The following ATP2B1 variants were observed in gnomAD, a reference collection of about 807,000 sequenced individuals.
ATP2B1 encodes the protein plasma membrane calcium-transporting ATPase 1.
ATP2B1 carries 14 observed loss-of-function variants against 124.2 expected under a neutral mutation model. The ratio of observed to expected loss-of-function variants is 0.11; its 90% CI spans 0.07 to 0.18. The LOEUF is 0.18. Among genes scored for constraint, ATP2B1 ranks in the 10% least tolerant of loss-of-function variants. The pLI is 1.00. For synonymous variants in ATP2B1, 449 were observed against 492.4 expected, an observed-to-expected ratio of 0.91 and a Z score of 1.17; for missense variants, 763 against 1,466.1, an observed-to-expected ratio of 0.52 and a Z score of 7.83.
intron 1 of ATP2B1, among the ~76,000 whole-genome samples, chr12:89,679,393 T>TA (rs1889067289): frequency 6.6e-6 from 1 of 152,168 alleles, no homozygotes; most frequent in African/African-American, 2.4e-5. Flanking sequence ...ACTAGTCTTT[T>TA]AAAAAATTCA....
At chr12:89,689,812 T>C (rs1192025419) in intron 1 of ATP2B1, among the ~76,000 whole-genome samples, 1 of 152,146 alleles carries the variant, frequency 6.6e-6, no homozygotes, top group Non-Finnish European at 1.5e-5. Context: ...AAGTCATGTA[T>C]ACAGAAGTTT....
At chr12:89,593,931 C>T (rs1204735239) in intron 20 of ATP2B1, 2 of 151,940 alleles carry the variant, frequency 1.3e-5, no homozygotes. Flanking sequence ...CTCCCAATTC[C>T]AGGTTCCTTG....
At chr12:89,643,103 C>T (rs956897741) in intron 2 of ATP2B1, among the ~76,000 whole-genome samples, 26 of 143,956 alleles carry the variant, frequency 1.8e-4, no homozygotes, top group African/African-American at 5.5e-4. Flanking sequence ...TATATACATA[C>T]GTATATATAT....
At chr12:89,664,280 C>T (rs561442026) in intron 1 of ATP2B1, among the ~76,000 whole-genome samples, 2 of 152,290 alleles carry the variant, frequency 1.3e-5, no homozygotes, top group South Asian at 4.1e-4. Flanking sequence ...ACTATTTTGG[C>T]TTTTGATAGC....
At chr12:89,623,732 G>A (rs1880375756) in intron 9 of ATP2B1, among the ~76,000 whole-genome samples, 2 of 152,238 alleles carry the variant, frequency 1.3e-5, no homozygotes, top group African/African-American at 4.8e-5. Flanking sequence ...GGGCCCTGCA[G>A]GCCATGGTAA....
At chr12:89,704,522 A>C (rs1892220967) in intron 1 of ATP2B1, among the ~76,000 whole-genome samples, 1 of 152,180 alleles carries the variant, frequency 6.6e-6, no homozygotes, top group Admixed American at 6.5e-5. Flanking sequence ...CAATGAGCAA[A>C]ATCTAGAAGC....
At chr12:89,674,932 C>T (rs920285190) in intron 1 of ATP2B1, among the ~76,000 whole-genome samples, 1 of 152,208 alleles carries the variant, frequency 6.6e-6, no homozygotes, top group African/African-American at 2.4e-5. Context: ...ACTGAAAACA[C>T]TAGCCGTTAC....
rs976256598 is a variant in ATP2B1 at position 89,605,018 on chromosome 12, A to G, written c.2443-672T>C. Among the ~76,000 whole-genome samples the G allele has an allele frequency of 5.3e-5, 8 of 152,196 alleles. 1 individual carries two copies. The highest frequency in any genetic ancestry group is 3.3e-4 in the Admixed American group (5 of 15,272). ...AACAGGAGAATGGGGTAATTAATAA[A>G]TTGTGGATTAATAAAATGAGTGAAC... On this transcript the variant is annotated intron_variant, in intron 15 of 20. Transcript: ENST00000428670.
At chr12:89,654,766 GAA>G (rs994872710) in intron 2 of ATP2B1, among the ~76,000 whole-genome samples, 7 of 151,934 alleles carry the variant, frequency 4.6e-5, no homozygotes, top group Admixed American at 3.3e-4. Flanking sequence ...AAAATATTAA[GAA>G]AAATACTTTT....
intron 2 of ATP2B1, among the ~76,000 whole-genome samples, chr12:89,653,044 C>A (rs1885461162): frequency 6.6e-6 from 1 of 152,102 alleles, no homozygotes; most frequent in Non-Finnish European, 1.5e-5. Flanking sequence ...TTTGTATTTT[C>A]AACTGTAAAT....
chr12:89,634,677 TTC>T (rs1442919656), intron 5 of ATP2B1, 99 bp downstream of exon 5: 38 of 1,255,538 alleles, frequency 3.0e-5, no homozygotes, highest in Middle Eastern at 5.7e-4. Context: ...AAAATACAGA[TTC>T]CTCTTTATAT....
intron 3 of ATP2B1, among the ~76,000 whole-genome samples, chr12:89,641,564 C>T (rs527521819): frequency 1.3e-5 from 2 of 152,136 alleles, no homozygotes; most frequent in East Asian, 3.9e-4. Context: ...GTGGTAAGTA[C>T]TTATGTGTGG....
chr12:89,601,206 C>G (rs1244992204), intron 19 of ATP2B1, 120 bp downstream of exon 19: 8 of 711,924 alleles, frequency 1.1e-5, no homozygotes, highest in Non-Finnish European at 1.9e-5. Context: ...TGAATGCCCT[C>G]TCTTTACTCA....
At chr12:89,700,884 C>T (rs551315421) in intron 1 of ATP2B1, among the ~76,000 whole-genome samples, 1 of 152,024 alleles carries the variant, frequency 6.6e-6, no homozygotes, top group Non-Finnish European at 1.5e-5. Context: ...CTCAGCTGTG[C>T]TAATCATAGG....
At chr12:89,607,796 C>T (rs567785916) in intron 15 of ATP2B1, among the ~76,000 whole-genome samples, 158 of 152,236 alleles carry the variant, frequency 1.0e-3, no homozygotes, top group African/African-American at 3.7e-3. Flanking sequence ...AAAAAGTCTG[C>T]ACATGTTCAC....
At chr12:89,663,898 G>T (rs1435427522) in intron 1 of ATP2B1, among the ~76,000 whole-genome samples, 2 of 150,700 alleles carry the variant, frequency 1.3e-5, no homozygotes, top group African/African-American at 4.9e-5. Context: ...CCTTTTTTTC[G>T]AAGAAGTCAA....
At chr12:89,599,026 G>A in intron 20 of ATP2B1, 91 bp downstream of exon 20, 4 of 1,428,224 alleles carry the variant, frequency 2.8e-6, no homozygotes, top group Non-Finnish European at 3.8e-6. Flanking sequence ...GAAGGCTAGA[G>A]AGGAAGTTTA....
intron 1 of ATP2B1, among the ~76,000 whole-genome samples, chr12:89,694,408 A>G (rs1318881574): frequency 2.6e-5 from 4 of 152,094 alleles, no homozygotes; most frequent in Non-Finnish European, 5.9e-5. Context: ...ACATCCCCCA[A>G]ACCACTCAAA....
At chr12:89,613,819 C>T (rs1878478574) in intron 12 of ATP2B1, among the ~76,000 whole-genome samples, 1 of 152,196 alleles carries the variant, frequency 6.6e-6, no homozygotes, top group African/African-American at 2.4e-5. Context: ...CAAACTATCT[C>T]TACTTTTACA....
Sources: gnomAD v4.1 joint callset for allele counts (sites outside exome capture counted in the v4.1 genomes callset) on GRCh38, gnomAD v4.1.1 for gene constraint, MANE v1.5 for transcripts, NCBI Gene and HGNC (gene_info 2026-07-23, HGNC 2026-07-21) for gene names.